Variants in TNNI3K observed in about 807,000 individuals in gnomAD.
TNNI3K encodes the protein TNNI3 interacting kinase, also known as serine/threonine-protein kinase TNNI3K.
A neutral mutation model predicts 114.5 loss-of-function variants in TNNI3K; 140 were observed. The ratio of observed to expected loss-of-function variants is 1.22; its 90% CI spans 1.07 to 1.41. The LOEUF is 1.41. TNNI3K is among the 40% of genes most tolerant of loss of function. TNNI3K has a pLI of 0.00. For missense variants in TNNI3K, 1,125 were observed against 1,007.6 expected (o/e 1.12, Z -1.58); for synonymous variants, 347 against 347.5 (o/e 1.00, Z 0.02).
intron 10 of TNNI3K, among the ~76,000 whole-genome samples, chr1:74,353,742 T>A (rs1053797257): frequency 6.6e-6 from 1 of 152,112 alleles, no homozygotes; most frequent in Non-Finnish European, 1.5e-5. Flanking sequence ...GTAGAAATAC[T>A]ATAATTGTAC....
chr1:74,285,017 T>C (rs1657240742), intron 5 of TNNI3K, among the ~76,000 whole-genome samples: 1 of 152,232 alleles, frequency 6.6e-6, no homozygotes, highest in African/African-American at 2.4e-5. Flanking sequence ...GGGCAATGGA[T>C]ACACATTTTT....
chr1:74,247,276 T>G (rs897903879), intron 2 of TNNI3K, among the ~76,000 whole-genome samples: 1 of 152,060 alleles, frequency 6.6e-6, no homozygotes, highest in East Asian at 1.9e-4. Context: ...CCGCGGCGCA[T>G]CTGGAGTTGT....
intron 20 of TNNI3K, among the ~76,000 whole-genome samples, chr1:74,462,748 G>T (rs1205491613): frequency 6.6e-6 from 1 of 152,138 alleles, no homozygotes; most frequent in Non-Finnish European, 1.5e-5. Context: ...TAGCAATCAG[G>T]AATCTACAGT....
In TNNI3K at chr1:74,236,193, A is replaced by G. The variant is rs762225704; in HGVS notation, c.132A>G (p.Glu44=). 2.5e-6 allele frequency: 4 copies of G among 1,606,330 alleles called. No individual in the cohort carries two copies. The highest frequency in any genetic ancestry group is 1.7e-5 in the Admixed American group (1 of 59,618). Residue 44 remains glutamate (E), a synonymous_variant, in exon 2 of 25, where the codon GAA becomes GAG. Transcript: ENST00000326637. ...AGATCAAGGAAAAAGAACTGACAGA[A>G]CTAAGGAATATATTTGGGTAAAGTT... The part of the protein sequence containing the change: ...DLQIKEKELT[E]LRNIFGSDEA...
intron 2 of TNNI3K, among the ~76,000 whole-genome samples, chr1:74,248,500 A>G (rs1235967594): frequency 1.3e-5 from 2 of 152,232 alleles, no homozygotes; most frequent in Non-Finnish European, 1.5e-5. Flanking sequence ...AGCGCTTACT[A>G]CAGTATCTGG....
chr1:74,369,714 T>G, intron 16 of TNNI3K, 129 bp downstream of exon 16: 1 of 1,062,750 alleles, frequency 9.4e-7, no homozygotes, highest in South Asian at 3.0e-5. Flanking sequence ...AGTGTGTCAT[T>G]TTTAATATCG....
chr1:74,235,422 G>T lies in TNNI3K; in HGVS notation c.-30G>T, dbSNP rs1328999763. ...TTGGAATCTTATAACTTGAAGAACT[G>T]CCCTGGAGAAAGGAAGAAACTTATA... is the stretch of plus-strand genomic sequence containing the variant. On this transcript the variant is annotated 5_prime_UTR_variant, in exon 1 of 25. Transcript: ENST00000326637. The T allele has an allele frequency of 2.0e-6, 3 of 1,485,004 alleles. No individual in the cohort carries two copies. The highest frequency in any genetic ancestry group is 4.8e-5 in the East Asian group (2 of 41,976). The allele number at this position is 1,485,004 out of a possible 1,614,324, so 92.0% of individuals were successfully genotyped here.
intron 21 of TNNI3K, among the ~76,000 whole-genome samples, chr1:74,484,421 G>T (rs1216951642): frequency 6.6e-6 from 1 of 152,158 alleles, no homozygotes; most frequent in Non-Finnish European, 1.5e-5. Context: ...CCCTTGTGAA[G>T]TGTACTTTCT....
At chr1:74,307,880 TTGAA>T (rs1363334641) in intron 5 of TNNI3K, among the ~76,000 whole-genome samples, 1 of 152,080 alleles carries the variant, frequency 6.6e-6, no homozygotes, top group Non-Finnish European at 1.5e-5. Context: ...GGAGAATCAC[TTGAA>T]CCTGGGAGGC....
chr1:74,475,188 T>C (rs1348790038), intron 21 of TNNI3K: 2 of 592,588 alleles, frequency 3.4e-6, no homozygotes, highest in African/African-American at 1.9e-5. Flanking sequence ...AGACTAGTGC[T>C]ATAGTGATTT....
At chr1:74,504,719 T>A (rs970403473) in intron 23 of TNNI3K, among the ~76,000 whole-genome samples, 10 of 152,172 alleles carry the variant, frequency 6.6e-5, no homozygotes, top group Middle Eastern at 3.4e-3. Context: ...ATATTTAGGT[T>A]ACAACATATC....
chr1:74,338,160 A>T (rs1660574361), intron 7 of TNNI3K, among the ~76,000 whole-genome samples: 1 of 152,004 alleles, frequency 6.6e-6, no homozygotes, highest in East Asian at 1.9e-4. Context: ...AAATGTTTGT[A>T]CTATTTTAAA....
At chr1:74,379,955 A>G (rs1663114921) in intron 17 of TNNI3K, among the ~76,000 whole-genome samples, 1 of 152,138 alleles carries the variant, frequency 6.6e-6, no homozygotes, top group Non-Finnish European at 1.5e-5. Flanking sequence ...CCAATTCTAA[A>G]AATAGTGCTC....
rs189674911 is a variant in TNNI3K at position 74,323,373 on chromosome 1, C to T, written c.445-8077C>T. Among the ~76,000 whole-genome samples the T allele has an allele frequency of 1.1e-3, 169 of 152,150 alleles. 1 individual carries two copies. The highest frequency in any genetic ancestry group is 2.9e-3 in the African/African-American group (119 of 41,508). On this transcript the variant is annotated intron_variant, in intron 5 of 24. Coordinates refer to ENST00000326637, the MANE Select transcript of TNNI3K (RefSeq NM_015978.3). ...CTTCACTGTCCTTATCTTTAAAATG[C>T]GGCTATTAATAACAATTCAGTATGA...
chr1:74,374,318 C>T (rs1355409428), intron 17 of TNNI3K: 1 of 151,810 alleles, frequency 6.6e-6, no homozygotes, highest in Non-Finnish European at 1.5e-5. Context: ...TATTTATCAC[C>T]ATATGAAAGG....
intron 17 of TNNI3K, among the ~76,000 whole-genome samples, chr1:74,425,072 A>C (rs1665570115): frequency 6.6e-6 from 1 of 152,142 alleles, no homozygotes; most frequent in Non-Finnish European, 1.5e-5. Context: ...AGCTTGTTTT[A>C]AAATAAGGAC....
At chr1:74,272,026 C>T (rs1656383304) in intron 5 of TNNI3K, among the ~76,000 whole-genome samples, 1 of 151,848 alleles carries the variant, frequency 6.6e-6, no homozygotes, top group Non-Finnish European at 1.5e-5. Flanking sequence ...CTTTTCTTCA[C>T]TTATAAAATA....
chr1:74,521,904 A>G (rs987328982), intron 23 of TNNI3K, among the ~76,000 whole-genome samples: 4 of 152,178 alleles, frequency 2.6e-5, no homozygotes, highest in East Asian at 1.9e-4. Context: ...GCTATGAATC[A>G]TAACTACTCA....
intron 17 of TNNI3K, among the ~76,000 whole-genome samples, chr1:74,418,916 G>A (rs530190804): frequency 8.6e-5 from 13 of 152,030 alleles, no homozygotes; most frequent in Non-Finnish European, 1.3e-4. Context: ...TCACAAAGAG[G>A]CATTTAGATG....
Sources: gnomAD v4.1 joint callset for allele counts (sites outside exome capture counted in the v4.1 genomes callset) on GRCh38, gnomAD v4.1.1 for gene constraint, MANE v1.5 for transcripts, NCBI Gene and HGNC (gene_info 2026-07-23, HGNC 2026-07-21) for gene names.